TSPAN17: variants seen among roughly 807,000 people sequenced by gnomAD.
TSPAN17 encodes the protein tetraspanin 17.
A neutral mutation model predicts 40.5 loss-of-function variants in TSPAN17; 33 were observed. That is an observed-to-expected ratio of 0.81 (90% confidence interval 0.62 to 1.09). The LOEUF (loss-of-function observed/expected upper bound fraction) is 1.09, where lower values mean the gene tolerates loss of function less well. Ranked by LOEUF, TSPAN17 falls within the 50% of genes least tolerant of loss-of-function variation. TSPAN17 has a pLI of 0.00. For missense variants in TSPAN17, 365 were observed against 416.8 expected (o/e 0.88, Z 1.08); for synonymous variants, 166 against 169.4 (o/e 0.98, Z 0.15).
chr5:176,652,683 C>A, intron 3 of TSPAN17, 60 bp from the exon 4 acceptor site: 1 of 1,560,138 alleles, frequency 6.4e-7, no homozygotes. Flanking sequence ...ACACCCAAGC[C>A]CTGGGAGGTC....
At chr5:176,648,802 A>G (rs1470954221) in intron 1 of TSPAN17, among the ~76,000 whole-genome samples, 2 of 152,218 alleles carry the variant, frequency 1.3e-5, no homozygotes, top group Non-Finnish European at 2.9e-5. Context: ...AGGCAGATAC[A>G]ATGAGTTCAA....
rs1467551882 is a variant in TSPAN17, at chr5:176,650,764, G to T, written c.88-852G>T. ...GATAAAGCAGGTGGGTGGGGAGGTC[G>T]CAGGAGGTGGGGTCATGGCCCTGGG... is the stretch of plus-strand genomic sequence containing the variant. On this transcript the variant is annotated intron_variant, in intron 1 of 8. Transcript: ENST00000508164. The surrounding 1 kb of genome is among the most constrained non-coding windows in gnomAD (Gnocchi z 4.0). 2.0e-5 allele frequency among the ~76,000 whole-genome samples: 3 copies of T among 152,174 alleles called. No individual in the cohort carries two copies. The highest frequency in any genetic ancestry group is 3.9e-4 in the East Asian group (2 of 5,184).
At position 176,656,272 on chromosome 5, in the gene TSPAN17, G is replaced by C. The variant is rs111470716; in HGVS notation, c.630+147G>C. The C allele has an allele frequency of 3.1e-4, 260 of 845,956 alleles. No individual in the cohort carries two copies. In the African/African-American group the frequency reaches 4.1e-3, roughly 13 times the overall value. The allele number at this position is 845,956 out of a possible 1,614,324, so 52.4% of individuals were successfully genotyped here. On this transcript the variant is annotated intron_variant, in intron 6 of 8. Coordinates refer to ENST00000508164, the MANE Select transcript of TSPAN17 (RefSeq NM_130465.5). ...GGAACCAGCCAGACACCCAGGCAGC[G>C]GAGGGGGAGTAGACCCCTGGGCCTG... is the stretch of plus-strand genomic sequence containing the variant.
chr5:176,657,099 A>G (rs1355640053), intron 8 of TSPAN17, 143 bp downstream of exon 8: 2 of 879,220 alleles, frequency 2.3e-6, no homozygotes, highest in East Asian at 5.3e-5. Context: ...GTTCGCCTGA[A>G]CCGCTGTGCT....
intron 8 of TSPAN17, 165 bp downstream of exon 8, chr5:176,657,121 G>A (rs1706744189): frequency 2.7e-6 from 2 of 746,882 alleles, no homozygotes; most frequent in Non-Finnish European, 2.1e-6. Context: ...TCCACCCACG[G>A]AGGAAGTTGC....
Position 176,656,703 on chromosome 5 carries a change from C to A in TSPAN17, c.634C>A (p.Leu212Met). 1.2e-6 allele frequency: 2 copies of A among 1,614,052 alleles called. No homozygotes were observed. Among genetic ancestry groups the A allele is most frequent in the Non-Finnish European group, 1.7e-6 (2 of 1,179,926 alleles). Residue 212 changes from leucine to methionine, a missense_variant, in exon 7 of 9, where the codon CTG becomes ATG. Physicochemically the swap from Leu to Met is conservative, Grantham distance 15. Coordinates refer to ENST00000508164, the MANE Select transcript of TSPAN17 (RefSeq NM_130465.5). ...CCTGGTGCCTGCGTGTCCCCAGGAG[C>A]TGGAGCAGCAGGGCTTCATCCACAC... is the stretch of plus-strand genomic sequence containing the variant. The part of the protein sequence containing the change: ...CGYDVRLKLE[L>M]EQQGFIHTKG...
chr5:176,650,827 G>A lies in TSPAN17; in HGVS notation c.88-789G>A, dbSNP rs1335170311. ...AGCCTTTCCCCCTCTGAGACTGCAC[G>A]CCCAGGGACCTGCCCAGGGTCAGGT... On this transcript the variant is annotated intron_variant, in intron 1 of 8. Transcript: ENST00000508164. This position sits in a 1 kb window ranked among gnomAD's most constrained non-coding sequence, Gnocchi z 4.0. Among the ~76,000 whole-genome samples the A allele has an allele frequency of 2.6e-5, 4 of 152,184 alleles. No individual in the cohort carries two copies. The highest frequency in any genetic ancestry group is 2.9e-5 in the Non-Finnish European group (2 of 68,026).
At position 176,649,745 on chromosome 5, in the gene TSPAN17, T is replaced by TA. The variant is rs140649729; in HGVS notation, c.88-1870dup. ...CCCGGCCATCCTGCTCGTGGTTTCT[T>TA]ACTGCTCCTAGAGTACTGTCGGCCT... On this transcript the variant is annotated intron_variant, in intron 1 of 8. Coordinates refer to ENST00000508164, the MANE Select transcript of TSPAN17 (RefSeq NM_130465.5). 7.9e-4 allele frequency among the ~76,000 whole-genome samples: 120 copies of TA among 152,316 alleles called. No individual in the cohort carries two copies. The East Asian group carries it at 0.022, about 28-fold the overall frequency.
rs141158882 is a variant in TSPAN17 at position 176,649,595 on chromosome 5, T to C, written c.87+1893T>C. Among the ~76,000 whole-genome samples the C allele has an allele frequency of 5.9e-3, 895 of 151,898 alleles. 4 individuals carry two copies. The highest frequency in any genetic ancestry group is 8.8e-3 in the Non-Finnish European group (598 of 67,900). On this transcript the variant is annotated intron_variant, in intron 1 of 8. Transcript: ENST00000508164. ...GGTGTGTGCCACCACGCCTGGCTAA[T>C]TTTGTATTTTTACTAGAGATGGGGT...
At chr5:176,653,777 C>G (rs558646870) in intron 4 of TSPAN17, 6 of 152,292 alleles carry the variant, frequency 3.9e-5, no homozygotes, top group African/African-American at 1.4e-4. Flanking sequence ...CATAGCCAGG[C>G]AGTTATGATG....
At position 176,647,504 on chromosome 5, in the gene TSPAN17, T is replaced by C. The variant is rs768664069; in HGVS notation, c.-112T>C. ...CCGGCGCTCTGTGTGGCCGAGGCCA[T>C]GAAGCCGCAGCCGCCCGGCTAGGCC... On this transcript the variant is annotated 5_prime_UTR_variant, in exon 1 of 9. The change abolishes an upstream ATG in the 5' untranslated region. Coordinates refer to ENST00000508164, the MANE Select transcript of TSPAN17 (RefSeq NM_130465.5). 2.7e-6 allele frequency: 2 copies of C among 742,698 alleles called. No homozygotes were observed. The highest frequency in any genetic ancestry group is 3.8e-6 in the Non-Finnish European group (2 of 521,584). 46.0% of individuals were successfully genotyped at this position (742,698 alleles called of 1,614,324 possible). A position where few individuals can be genotyped will look rare whatever the true frequency, so the allele number is the denominator to read the frequency against.
At position 176,658,251 on chromosome 5, in the gene TSPAN17, C is replaced by T. The variant is rs1356953144; in HGVS notation, c.*553C>T. The T allele has an allele frequency of 6.5e-6, 1 of 152,678 alleles. No individual in the cohort carries two copies. Among genetic ancestry groups the T allele is most frequent in the East Asian group, 1.9e-4 (1 of 5,202 alleles). The allele number at this position is 152,678 out of a possible 1,614,324, so 9.5% of individuals were successfully genotyped here. A position where few individuals can be genotyped will look rare whatever the true frequency, so the allele number is the denominator to read the frequency against. On this transcript the variant is annotated 3_prime_UTR_variant, in exon 9 of 9. Coordinates refer to ENST00000508164, the MANE Select transcript of TSPAN17 (RefSeq NM_130465.5). ...GGTCTGGCTTCCTCCCGCAACCTCA[C>T]TCTAGTAGAGCCTGTGCCTGCCTAC...
At position 176,651,027 on chromosome 5, in the gene TSPAN17, C is replaced by T. The variant is rs1395478751; in HGVS notation, c.88-589C>T. 1.3e-5 allele frequency among the ~76,000 whole-genome samples: 2 copies of T among 152,174 alleles called. No individual in the cohort carries two copies. The highest frequency in any genetic ancestry group is 1.3e-4 in the Admixed American group (2 of 15,278). ...ATGGGGCAAAGCCACTGGCACAGGC[C>T]AGATCCTAGGTGGATCCTGCTAGGG... On this transcript the variant is annotated intron_variant, in intron 1 of 8. Transcript: ENST00000508164. This position sits in a 1 kb window ranked among gnomAD's most constrained non-coding sequence, Gnocchi z 4.5.
At position 176,647,518 on chromosome 5, in the gene TSPAN17, C is replaced by T. The variant is rs1022709844; in HGVS notation, c.-98C>T. 2 of 934,878 alleles carry T rather than the reference C, an allele frequency of 2.1e-6. No homozygotes were observed. Among genetic ancestry groups the T allele is most frequent in the Non-Finnish European group, 1.4e-6 (1 of 693,262 alleles). The allele number at this position is 934,878 out of a possible 1,614,324, so 57.9% of individuals were successfully genotyped here. A position where few individuals can be genotyped will look rare whatever the true frequency, so the allele number is the denominator to read the frequency against. On this transcript the variant is annotated 5_prime_UTR_variant, in exon 1 of 9. Coordinates refer to ENST00000508164, the MANE Select transcript of TSPAN17 (RefSeq NM_130465.5). ...GGCCGAGGCCATGAAGCCGCAGCCGCCCGGCTAGGCCCCGGGCGGCTCTAG... is the reference window on the plus strand; with the variant it reads ...GGCCGAGGCCATGAAGCCGCAGCCGTCCGGCTAGGCCCCGGGCGGCTCTAG...
At position 176,647,717 on chromosome 5, in the gene TSPAN17, T is replaced by G. The variant is rs1760794648; in HGVS notation, c.87+15T>G. 1 of 1,575,666 alleles carries G rather than the reference T, an allele frequency of 6.3e-7. No homozygotes were observed. Among genetic ancestry groups the G allele is most frequent in the Non-Finnish European group, 8.6e-7 (1 of 1,161,888 alleles). ...TTGTCTTCTGGGTGAGCGCGGGGTCTGCGCCTTGCCCTGTGCTGGGGGGTG... is the reference window on the plus strand; with the variant it reads ...TTGTCTTCTGGGTGAGCGCGGGGTCGGCGCCTTGCCCTGTGCTGGGGGGTG... On this transcript the variant is annotated intron_variant, in intron 1 of 8. Coordinates refer to ENST00000508164, the MANE Select transcript of TSPAN17 (RefSeq NM_130465.5).
Position 176,657,511 on chromosome 5 carries a change from C to T in TSPAN17, c.810-7C>T. ...CAAGAATTTTCTTTCTCTTGCTTGC[C>T]TCTCAGGAGCAAATGGAATGATGAC... On this transcript the variant is annotated splice_region_variant and splice_polypyrimidine_tract_variant and intron_variant, in intron 8 of 8. Coordinates refer to ENST00000508164, the MANE Select transcript of TSPAN17 (RefSeq NM_130465.5). 6.4e-7 allele frequency: 1 copy of T among 1,570,892 alleles called. No homozygotes were observed. Among genetic ancestry groups the T allele is most frequent in the East Asian group, 2.4e-5 (1 of 42,314 alleles).
At chr5:176,656,003 A>G in intron 5 of TSPAN17, 75 bp from the exon 6 acceptor site, 1 of 1,428,424 alleles carries the variant, frequency 7.0e-7, no homozygotes, top group Non-Finnish European at 9.9e-7. Context: ...AGGAAAAGCC[A>G]CCGCACTGCC....
At position 176,656,797 on chromosome 5, in the gene TSPAN17, T is replaced by A. The variant is rs749499796; in HGVS notation, c.728T>A (p.Met243Lys). ...CTGATTGTGGTGGCGGGAGTCTTCATGGGCATCGCCCTCCTCCAGGTACCC... is the reference window on the plus strand; with the variant it reads ...CTGATTGTGGTGGCGGGAGTCTTCAAGGGCATCGCCCTCCTCCAGGTACCC... The part of the protein sequence containing the change: ...DNLIVVAGVF[M>K]GIALLQIFGI... The change falls in exon 7 of 9, where the codon ATG (methionine) becomes AAG (lysine). Residue 243 changes from methionine to lysine, a missense_variant. By Grantham distance (95) the Met-to-Lys change is moderately conservative. Transcript: ENST00000508164. 2.5e-6 allele frequency: 4 copies of A among 1,614,096 alleles called. No homozygotes were observed. The East Asian group carries it at 6.7e-5, about 27-fold the overall frequency.
At chr5:176,647,811 AC>A in intron 1 of TSPAN17, 109 bp downstream of exon 1, 2 of 1,093,526 alleles carry the variant, frequency 1.8e-6, no homozygotes, top group Non-Finnish European at 2.6e-6. Context: ...GGAGCTCGGG[AC>A]CATCCCCCCA....
Sources: allele counts gnomAD v4.1 joint callset (sites outside exome capture counted in the v4.1 genomes callset), GRCh38; gene constraint gnomAD v4.1.1; non-coding constraint Gnocchi (gnomAD v3.1); transcripts MANE v1.5; gene names NCBI Gene and HGNC (gene_info 2026-07-23, HGNC 2026-07-21).